Variants in TXNDC5 observed in about 807,000 individuals in gnomAD.
TXNDC5 encodes the protein thioredoxin domain containing 5.
A neutral mutation model predicts 52.6 loss-of-function variants in TXNDC5; 44 were observed. The observed-to-expected ratio is 0.84, with a 90% CI of 0.66 to 1.08. The LOEUF (loss-of-function observed/expected upper bound fraction) is 1.08, where lower values mean the gene tolerates loss of function less well. Ranked by LOEUF, TXNDC5 falls within the 50% of genes least tolerant of loss-of-function variation. TXNDC5 has a pLI of 0.00. For synonymous variants in TXNDC5, 241 were observed against 234.4 expected (o/e 1.03, Z -0.26); for missense variants, 600 against 565.5 (o/e 1.06, Z -0.62).
intron 3 of TXNDC5, 80 bp downstream of exon 3, chr6:7,899,496 C>T (rs1214051968): frequency 1.9e-6 from 2 of 1,052,860 alleles, no homozygotes; most frequent in Admixed American, 4.5e-5. Context: ...TGGCCTCTGC[C>T]CCGTTACATA....
intron 1 of TXNDC5, among the ~76,000 whole-genome samples, chr6:7,907,464 A>G (rs1257381223): frequency 6.6e-6 from 1 of 152,224 alleles, no homozygotes; most frequent in Non-Finnish European, 1.5e-5. Flanking sequence ...CAAACTGGCC[A>G]TACAGAAGTT....
chr6:7,884,536 ATTCACCTACACTC>A (rs776621472), intron 8 of TXNDC5, 48 bp from the exon 9 acceptor site: 13 of 1,611,926 alleles, frequency 8.1e-6, no homozygotes, highest in African/African-American at 5.3e-5. Flanking sequence ...GGTCGAGATC[ATTCACCTACACTC>A]TGCTGCCAAG....
chr6:7,902,028 G>C (rs1014653295), intron 2 of TXNDC5, among the ~76,000 whole-genome samples: 3 of 152,016 alleles, frequency 2.0e-5, no homozygotes, highest in East Asian at 1.9e-4. Context: ...GACACAGAGA[G>C]ACACACACAC....
Position 7,883,012 on chromosome 6 carries a change from G to C in TXNDC5, c.*132C>G, listed in dbSNP as rs1433176231. 1 of 1,230,612 alleles carries C rather than the reference G, an allele frequency of 8.1e-7. No homozygotes were observed. The highest frequency in any genetic ancestry group is 1.1e-6 in the Non-Finnish European group (1 of 884,316). 76.2% of individuals were successfully genotyped at this position (1,230,612 alleles called of 1,614,324 possible). A position where few individuals can be genotyped will look rare whatever the true frequency, so the allele number is the denominator to read the frequency against. On this transcript the variant is annotated 3_prime_UTR_variant, in exon 10 of 10. Transcript: ENST00000379757. ...TTGGCTTGGAAAACACACACACAAA[G>C]AAGATACCTCACGCTTAGTATGTTC...
Position 7,910,730 on chromosome 6 carries a change from G to A in TXNDC5, c.47C>T (p.Ala16Val), listed in dbSNP as rs1318555916. Reference protein sequence around the residue: ...GRLLPLLARPAALTALLLLLL... With the variant: ...GRLLPLLARPVALTALLLLLL... ...CAGCAGCAGCAGCGCAGTCAGGGCC[G>A]CCGGCCGGGCCAGCAGCGGGAGGAG... Residue 16 changes from alanine to valine, a missense_variant, in exon 1 of 10, where the codon GCG (alanine) becomes GTG (valine). By Grantham distance (64) the Ala-to-Val change is moderately conservative. Transcript: ENST00000379757. 2 of 1,029,064 alleles carry A rather than the reference G, an allele frequency of 1.9e-6. No individual in the cohort carries two copies. The highest frequency in any genetic ancestry group is 1.2e-6 in the Non-Finnish European group (1 of 862,304). 63.7% of individuals were successfully genotyped at this position (1,029,064 alleles called of 1,614,324 possible).
At position 7,910,041 on chromosome 6, in the gene TXNDC5, C is replaced by A. The variant is rs1032526494; in HGVS notation, c.263+473G>T. ...CGAAAGGGCGACGACCCCACCTTCCCCTCCCTCGGTGCCGAGGTGCAAGAG... is the reference window on the plus strand; with the variant it reads ...CGAAAGGGCGACGACCCCACCTTCCACTCCCTCGGTGCCGAGGTGCAAGAG... On this transcript the variant is annotated intron_variant, in intron 1 of 9. Transcript: ENST00000379757. 3.0e-6 allele frequency: 3 copies of A among 986,114 alleles called. No homozygotes were observed. In the East Asian group the frequency reaches 3.4e-4, roughly 112 times the overall value. 61.1% of individuals were successfully genotyped at this position (986,114 alleles called of 1,614,324 possible). A position where few individuals can be genotyped will look rare whatever the true frequency, so the allele number is the denominator to read the frequency against.
At position 7,888,769 on chromosome 6, in the gene TXNDC5, CCAGTCTCTGTGCGCTG is replaced by C; in HGVS notation, c.883_898del (p.Gln295GlufsTer41). On this transcript the variant is annotated frameshift_variant, in exon 7 of 10. Coordinates refer to ENST00000379757, the MANE Select transcript of TXNDC5 (RefSeq NM_030810.5). LOFTEE classifies it high-confidence loss of function. ...TGAGGGCGTGACGGTCTCCGTCGCT[CCAGTCTCTGTGCGCTG>C]CAGCTGCGACTCCACGTACTCCCTC... 1 of 1,614,142 alleles carries C rather than the reference CCAGTCTCTGTGCGCTG, an allele frequency of 6.2e-7. No homozygotes were observed. The highest frequency in any genetic ancestry group is 8.5e-7 in the Non-Finnish European group (1 of 1,180,024).
At chr6:7,905,542 T>G (rs528504995) in intron 1 of TXNDC5, among the ~76,000 whole-genome samples, 1 of 152,384 alleles carries the variant, frequency 6.6e-6, no homozygotes, top group South Asian at 2.1e-4. Flanking sequence ...AAATAGTATC[T>G]TAACTAGGCT....
At chr6:7,885,930 C>A in intron 8 of TXNDC5, 31 bp downstream of exon 8, 2 of 1,608,452 alleles carry the variant, frequency 1.2e-6, no homozygotes, top group Non-Finnish European at 1.7e-6. Flanking sequence ...TACACATGGA[C>A]AAAGTAGTTT....
chr6:7,884,489 C>G lies in TXNDC5; in HGVS notation c.1047-1G>C, dbSNP rs148527817. On this transcript the variant is annotated splice_acceptor_variant, in intron 8 of 9. Coordinates refer to ENST00000379757, the MANE Select transcript of TXNDC5 (RefSeq NM_030810.5). LOFTEE classifies it high-confidence loss of function. ...AGCCAGAGTCTTACAATGACCACAC[C>G]TAAGACGAGAAAAATGGCAGCTTCG... 1 of 1,613,896 alleles carries G rather than the reference C, an allele frequency of 6.2e-7. No individual in the cohort carries two copies. Among genetic ancestry groups the G allele is most frequent in the African/African-American group, 1.3e-5 (1 of 74,900 alleles).
chr6:7,886,237 G>A (rs1759978551), intron 7 of TXNDC5, among the ~76,000 whole-genome samples, 194 bp from the exon 8 acceptor site: 1 of 152,192 alleles, frequency 6.6e-6, no homozygotes, highest in Non-Finnish European at 1.5e-5. Context: ...CCTCTGAAGG[G>A]CAGAGAGATC....
chr6:7,888,932 C>G lies in TXNDC5; in HGVS notation c.820-84G>C, dbSNP rs528808673. 6 of 1,491,344 alleles carry G rather than the reference C, an allele frequency of 4.0e-6. No homozygotes were observed. The East Asian group carries it at 7.1e-5, about 18-fold the overall frequency. 92.4% of individuals were successfully genotyped at this position (1,491,344 alleles called of 1,614,324 possible). On this transcript the variant is annotated intron_variant, in intron 6 of 9. Transcript: ENST00000379757. ...AGCCTTCCTGCAACCCCTGCTTGCC[C>G]GGGTCAGAGCTCCCAGATGTCTTAG...
Position 7,884,394 on chromosome 6 carries a change from A to C in TXNDC5, c.1141T>G (p.Cys381Gly). 6.2e-7 allele frequency: 1 copy of C among 1,614,184 alleles called. No homozygotes were observed. The highest frequency in any genetic ancestry group is 1.1e-5 in the South Asian group (1 of 91,080). ...LAGVKIAEVD[C>G]TAERNICSKY... ...CTGCAGATATTCCGTTCAGCAGTGC[A>C]GTCTACTTCGGCGATCTTGACCCCC... Residue 381 changes from cysteine to glycine, a missense_variant, in exon 9 of 10, where the codon TGC becomes GGC. Coordinates refer to ENST00000379757, the MANE Select transcript of TXNDC5 (RefSeq NM_030810.5).
chr6:7,896,897 T>C (rs1210710092), intron 3 of TXNDC5, among the ~76,000 whole-genome samples: 4 of 152,216 alleles, frequency 2.6e-5, no homozygotes, highest in South Asian at 4.1e-4. Flanking sequence ...TAAGCTGATA[T>C]GGTGCTTAAG....
At chr6:7,884,981 C>T (rs1297484627) in intron 8 of TXNDC5, among the ~76,000 whole-genome samples, 2 of 152,180 alleles carry the variant, frequency 1.3e-5, no homozygotes, top group Non-Finnish European at 2.9e-5. Flanking sequence ...TTGGTTCAAA[C>T]CCTCCCTTCT....
In TXNDC5 at chr6:7,910,584, G is replaced by A. The variant is rs1282340134; in HGVS notation, c.193C>T (p.Leu65=). ...EDGQDPHSKH[L]YTADMFTHGI... ...TGCGTGAACATGTCGGCCGTGTACA[G>A]GTGCTTGCTGTGCGGGTCCTGTCCG... is the stretch of plus-strand genomic sequence containing the variant. Residue 65 remains leucine, a synonymous_variant, in exon 1 of 10, where the codon CTG becomes TTG. Transcript: ENST00000379757. 1.4e-6 allele frequency: 2 copies of A among 1,432,426 alleles called. No homozygotes were observed. The highest frequency in any genetic ancestry group is 1.9e-6 in the Non-Finnish European group (2 of 1,079,836). 88.7% of individuals were successfully genotyped at this position (1,432,426 alleles called of 1,614,324 possible). A position where few individuals can be genotyped will look rare whatever the true frequency, so the allele number is the denominator to read the frequency against.
intron 5 of TXNDC5, 116 bp from the exon 6 acceptor site, chr6:7,889,697 G>GC (rs1295365193): frequency 1.3e-6 from 1 of 755,648 alleles, no homozygotes; most frequent in Non-Finnish European, 2.1e-6. Context: ...ACATTCTGTA[G>GC]CAACTCTGCC....
In TXNDC5 at chr6:7,886,029, T is replaced by TGCC; in HGVS notation, c.975_977dup (p.Ala326dup). 2 of 1,614,114 alleles carry TGCC rather than the reference T, an allele frequency of 1.2e-6. No homozygotes were observed. The highest frequency in any genetic ancestry group is 1.7e-6 in the Non-Finnish European group (2 of 1,180,010). ...TGTCATCGAAGTTATTTTCAGTGAG[T>TGCC]GCCAACACAGTGCCCTTCAAGGGAG... On this transcript the variant is annotated inframe_insertion, in exon 8 of 10. Transcript: ENST00000379757.
At chr6:7,906,496 A>G (rs1760733286) in intron 1 of TXNDC5, among the ~76,000 whole-genome samples, 1 of 131,072 alleles carries the variant, frequency 7.6e-6, no homozygotes, top group Admixed American at 9.5e-5. Context: ...AGACCATGCT[A>G]TTGCACTCCA....
Sources: gnomAD v4.1 joint callset for allele counts (sites outside exome capture counted in the v4.1 genomes callset) on GRCh38, gnomAD v4.1.1 for gene constraint, MANE v1.5 for transcripts, NCBI Gene and HGNC (gene_info 2026-07-23, HGNC 2026-07-21) for gene names.